Variants in ZNF337 observed in about 807,000 individuals in gnomAD.
The protein encoded by ZNF337 is zinc finger protein 337.
In ZNF337, 8 loss-of-function variants were observed where a neutral mutation model predicts 12.1. The observed-to-expected ratio is 0.66, with a 90% confidence interval of 0.39 to 1.19. The LOEUF (loss-of-function observed/expected upper bound fraction) is 1.19, where lower values mean the gene tolerates loss of function less well. Among genes scored for constraint, ZNF337 ranks in the 50% most tolerant of loss-of-function variants. The pLI is 0.01. For synonymous variants in ZNF337, 336 were observed against 320.0 expected, an observed-to-expected ratio of 1.05 and a Z score of -0.53; for missense variants, 882 against 896.6, an observed-to-expected ratio of 0.98 and a Z score of 0.21.
chr20:25,677,205 A>T, intron 4 of ZNF337, 168 bp from the exon 5 acceptor site: 1 of 627,618 alleles, frequency 1.6e-6, no homozygotes, highest in Non-Finnish European at 2.7e-6. Flanking sequence ...GCAGGGAGGA[A>T]TTCTTCCTAA....
intron 4 of ZNF337, among the ~76,000 whole-genome samples, chr20:25,678,928 G>C (rs1002838349): frequency 2.6e-5 from 4 of 152,250 alleles, no homozygotes; most frequent in Non-Finnish European, 5.9e-5. Flanking sequence ...GGTGGACAGA[G>C]CAAGACCCTG....
chr20:25,674,813 G>GGGCTATTA lies in ZNF337; in HGVS notation c.*218_*219insTAATAGCC. Reference sequence around the variant, plus strand: ...ACATTTCCCCAATAGCCCAGGTAATGCCCTCCCCTCAACTGGCATCTCTGT... The same window carrying GGGCTATTA: ...ACATTTCCCCAATAGCCCAGGTAATGGGCTATTACCCTCCCCTCAACTGGCATCTCTGT... On this transcript the variant is annotated 3_prime_UTR_variant, in exon 5 of 5. Coordinates refer to ENST00000252979, the MANE Select transcript of ZNF337 (RefSeq NM_015655.4). 3 of 580,320 alleles carry GGGCTATTA rather than the reference G, an allele frequency of 5.2e-6. No homozygotes were observed. The East Asian group carries it at 8.5e-5, about 16-fold the overall frequency. The allele number at this position is 580,320 out of a possible 1,614,324, so 35.9% of individuals were successfully genotyped here. A position where few individuals can be genotyped will look rare whatever the true frequency, so the allele number is the denominator to read the frequency against.
chr20:25,677,178 C>CA, intron 4 of ZNF337, 141 bp from the exon 5 acceptor site: 2 of 765,442 alleles, frequency 2.6e-6, no homozygotes, highest in Non-Finnish European at 2.0e-6. Flanking sequence ...CAAACTATTC[C>CA]AAAAAATTGA....
Position 25,685,679 on chromosome 20 carries a change from A to T in ZNF337, c.155-17T>A, listed in dbSNP as rs1569013252. ...GGAGAATTCCTGCTCACAGGGAAAA[A>T]AACCATGAGGTGACTCCTGGTTGTA... On this transcript the variant is annotated splice_polypyrimidine_tract_variant and intron_variant, in intron 3 of 4. Transcript: ENST00000252979. 1.2e-6 allele frequency: 2 copies of T among 1,610,860 alleles called. No individual in the cohort carries two copies. Among genetic ancestry groups the T allele is most frequent in the Admixed American group, 3.3e-5 (2 of 59,988 alleles).
At chr20:25,681,383 A>G (rs890980464) in intron 4 of ZNF337, 1 of 152,188 alleles carries the variant, frequency 6.6e-6, no homozygotes. Flanking sequence ...GCCAGCTCCA[A>G]ATTTCTCAGT....
At chr20:25,679,681 A>G (rs2065747904) in intron 4 of ZNF337, among the ~76,000 whole-genome samples, 2 of 152,190 alleles carry the variant, frequency 1.3e-5, no homozygotes, top group African/African-American at 2.4e-5. Context: ...AAGATGCAGA[A>G]AAAAGGCAAT....
chr20:25,685,484 C>T (rs2065819889), intron 4 of ZNF337, 83 bp downstream of exon 4: 3 of 1,195,998 alleles, frequency 2.5e-6, no homozygotes, highest in East Asian at 2.4e-5. Flanking sequence ...GAACAGCTTC[C>T]AGGTCCCCTG....
intron 4 of ZNF337, chr20:25,678,114 T>C (rs1600434995): frequency 6.6e-6 from 1 of 152,268 alleles, no homozygotes; most frequent in East Asian, 1.9e-4. Flanking sequence ...TGAAGTCAAA[T>C]TGTCTCTTTT....
chr20:25,676,687 C>CT lies in ZNF337; in HGVS notation c.600dup (p.Ala201SerfsTer18). Reference sequence around the variant, plus strand: ...GTAAAAAGTTTCTGCCTGGAATGTGCTTTTTTGTGTATGATTACCATCATC... The same window carrying CT: ...GTAAAAAGTTTCTGCCTGGAATGTGCTTTTTTTGTGTATGATTACCATCATC... On this transcript the variant is annotated frameshift_variant, in exon 5 of 5. Coordinates refer to ENST00000252979, the MANE Select transcript of ZNF337 (RefSeq NM_015655.4). LOFTEE classifies it low-confidence loss of function (END_TRUNC). 1 of 1,614,194 alleles carries CT rather than the reference C, an allele frequency of 6.2e-7. No individual in the cohort carries two copies. Among genetic ancestry groups the CT allele is most frequent in the Non-Finnish European group, 8.5e-7 (1 of 1,180,038 alleles).
chr20:25,679,395 G>A (rs894511238), intron 4 of ZNF337, among the ~76,000 whole-genome samples: 4 of 152,104 alleles, frequency 2.6e-5, no homozygotes, highest in African/African-American at 4.8e-5. Context: ...ACAAAATGTA[G>A]AATGGGAGGA....
chr20:25,694,102 A>G (rs1289017047), intron 1 of ZNF337, among the ~76,000 whole-genome samples: 1 of 152,222 alleles, frequency 6.6e-6, no homozygotes, highest in East Asian at 1.9e-4. Flanking sequence ...TGCTTCCAGA[A>G]TAAGGAAGTG....
At chr20:25,678,977 C>A (rs573266458) in intron 4 of ZNF337, among the ~76,000 whole-genome samples, 6 of 150,366 alleles carry the variant, frequency 4.0e-5, no homozygotes, top group Non-Finnish European at 8.8e-5. Flanking sequence ...ACACATAGAC[C>A]AATAAAAGAG....
chr20:25,693,469 T>C (rs141875802), intron 1 of ZNF337, among the ~76,000 whole-genome samples: 332 of 152,322 alleles, frequency 2.2e-3, no homozygotes, highest in African/African-American at 7.9e-3. Context: ...AAGAGATGAA[T>C]AGGGCAATGA....
chr20:25,688,971 T>C (rs1957746495), intron 1 of ZNF337, among the ~76,000 whole-genome samples: 2 of 150,992 alleles, frequency 1.3e-5, no homozygotes, highest in Admixed American at 1.3e-4. Context: ...CTACTGAAAA[T>C]ACAAAAAAAT....
At chr20:25,696,247 C>A (rs1337819986) in intron 1 of ZNF337, among the ~76,000 whole-genome samples, 1 of 152,130 alleles carries the variant, frequency 6.6e-6, no homozygotes, top group Non-Finnish European at 1.5e-5. Flanking sequence ...CTCCCCTGTC[C>A]CGCCTCCCAC....
rs569371540 is a variant in ZNF337 at position 25,691,439 on chromosome 20, C to A, written c.-49-4973G>T. Among the ~76,000 whole-genome samples, 3 of 152,316 alleles carry A rather than the reference C, an allele frequency of 2.0e-5. No homozygotes were observed. The South Asian group carries it at 6.2e-4, about 32-fold the overall frequency. The stretch of plus-strand genomic sequence containing the variant: ...GAATCTACAAGGCCAGCACACTCAA[C>A]AAACTCCAAGAATAAATTCAAGGAG... On this transcript the variant is annotated intron_variant, in intron 1 of 4. Coordinates refer to ENST00000252979, the MANE Select transcript of ZNF337 (RefSeq NM_015655.4).
intron 4 of ZNF337, among the ~76,000 whole-genome samples, chr20:25,680,212 T>C (rs1043039389): frequency 1.9e-4 from 29 of 152,128 alleles, no homozygotes; most frequent in African/African-American, 7.0e-4. Flanking sequence ...AAGTGTTTGA[T>C]AGCACAGTAG....
In ZNF337 at chr20:25,675,978, C is replaced by T. The variant is rs1569005303; in HGVS notation, c.1310G>A (p.Cys437Tyr). Residue 437 changes from cysteine (C) to tyrosine (Y), a missense_variant, in exon 5 of 5, where the codon TGT becomes TAT. Cys to Tyr is a radical substitution (Grantham distance 194, BLOSUM62 -2). Transcript: ENST00000252979. ...TGACTTCTGAATAAATCCTTGCCCACATTCTCTACAAACAAAAGGTTTCTC... is the reference window on the plus strand; with the variant it reads ...TGACTTCTGAATAAATCCTTGCCCATATTCTCTACAAACAAAAGGTTTCTC... ...SGEKPFVCRE[C>Y]GQGFIQKSTL... The T allele has an allele frequency of 1.2e-6, 2 of 1,613,564 alleles. No homozygotes were observed. The highest frequency in any genetic ancestry group is 1.7e-6 in the Non-Finnish European group (2 of 1,179,672).
At chr20:25,679,280 C>G (rs1341688846) in intron 4 of ZNF337, among the ~76,000 whole-genome samples, 3 of 152,128 alleles carry the variant, frequency 2.0e-5, no homozygotes, top group Non-Finnish European at 4.4e-5. Flanking sequence ...ATGGCTAAGA[C>G]TTCAAAATCA....
Sources: gnomAD v4.1 joint callset for allele counts (sites outside exome capture counted in the v4.1 genomes callset) on GRCh38, gnomAD v4.1.1 for gene constraint, MANE v1.5 for transcripts, NCBI Gene and HGNC (gene_info 2026-07-23, HGNC 2026-07-21) for gene names.